The following CHST11 variants were observed in gnomAD, a reference collection of about 807,000 sequenced individuals.
CHST11 encodes the protein C4S-1.
CHST11 carries 9 observed loss-of-function variants against 30.4 expected under a neutral mutation model. The observed-to-expected ratio is 0.30, with a 90% CI of 0.18 to 0.52. The LOEUF is 0.52. Ranked by LOEUF, CHST11 falls within the 20% of genes least tolerant of loss-of-function variation. The pLI, the probability that CHST11 is intolerant of heterozygous loss-of-function variation, is 0.97. For synonymous variants in CHST11, 152 were observed against 187.8 expected (o/e 0.81, Z 1.56); for missense variants, 348 against 460.6 (o/e 0.76, Z 2.24).
chr12:104,499,376 T>G (rs1464449458), intron 1 of CHST11, among the ~76,000 whole-genome samples: 1 of 149,000 alleles, frequency 6.7e-6, no homozygotes, highest in Non-Finnish European at 1.5e-5. Context: ...CCTGCCTTCA[T>G]GGAGTGGAAA....
intron 1 of CHST11, among the ~76,000 whole-genome samples, chr12:104,580,192 T>C (rs1180484025): frequency 6.6e-6 from 1 of 152,218 alleles, no homozygotes; most frequent in Non-Finnish European, 1.5e-5. Flanking sequence ...ATAGAATATC[T>C]TTTGTGGTTT....
At chr12:104,562,288 G>A (rs1592764410) in intron 1 of CHST11, among the ~76,000 whole-genome samples, 2 of 152,282 alleles carry the variant, frequency 1.3e-5, no homozygotes, top group African/African-American at 4.8e-5. Flanking sequence ...AGGAAAACCA[G>A]CTCTAGGTGG....
chr12:104,587,694 G>A (rs1009530006), intron 1 of CHST11, among the ~76,000 whole-genome samples: 14 of 152,016 alleles, frequency 9.2e-5, no homozygotes, highest in African/African-American at 2.4e-4. Flanking sequence ...CATCCTGCCC[G>A]GCTCAAGTAT....
chr12:104,634,211 T>C (rs142427185), intron 2 of CHST11, among the ~76,000 whole-genome samples: 1 of 152,330 alleles, frequency 6.6e-6, no homozygotes, highest in East Asian at 1.9e-4. Context: ...GACAGGGCCA[T>C]ATCTGTCTCG....
chr12:104,711,053 C>T lies in CHST11; in HGVS notation c.205-45896C>T, dbSNP rs145010964. On this transcript the variant is annotated intron_variant, in intron 2 of 2. Transcript: ENST00000303694. ...TTTAGCAAAACTTCCATTTTAACAT[C>T]CTGTTGCAATTATCAAATATTTGCG... 6.6e-5 allele frequency among the ~76,000 whole-genome samples: 10 copies of T among 152,272 alleles called. No homozygotes were observed. The East Asian group carries it at 1.9e-3, about 29-fold the overall frequency.
intron 1 of CHST11, among the ~76,000 whole-genome samples, chr12:104,567,280 A>AT (rs895946058): frequency 3.9e-5 from 6 of 152,166 alleles, no homozygotes; most frequent in Non-Finnish European, 8.8e-5. Context: ...AAGTTGGAAC[A>AT]TTTTTTGCTA....
chr12:104,684,700 A>G (rs765075877), intron 2 of CHST11, among the ~76,000 whole-genome samples: 4 of 152,136 alleles, frequency 2.6e-5, no homozygotes, highest in Admixed American at 6.5e-5. Context: ...GGCATGCACT[A>G]CCATGCCTGG....
chr12:104,569,159 C>G (rs963025863), intron 1 of CHST11, among the ~76,000 whole-genome samples: 1 of 152,108 alleles, frequency 6.6e-6, no homozygotes, highest in Non-Finnish European at 1.5e-5. Flanking sequence ...AATTGTCTGG[C>G]TCTAGATTCT....
chr12:104,696,737 C>T (rs2039950892), intron 2 of CHST11, among the ~76,000 whole-genome samples: 3 of 152,134 alleles, frequency 2.0e-5, no homozygotes, highest in Non-Finnish European at 4.4e-5. Context: ...CTCTTCTCCC[C>T]TTCATCCCTG....
chr12:104,575,584 G>A (rs968703633), intron 1 of CHST11, among the ~76,000 whole-genome samples: 8 of 152,160 alleles, frequency 5.3e-5, no homozygotes, highest in African/African-American at 1.4e-4. Context: ...ACATCTGTCC[G>A]TTTGAAGGAA....
intron 2 of CHST11, among the ~76,000 whole-genome samples, chr12:104,621,352 C>T (rs2039156799): frequency 6.6e-6 from 1 of 152,240 alleles, no homozygotes; most frequent in Non-Finnish European, 1.5e-5. Context: ...CTAGACCTTG[C>T]CATTGGCCCA....
intron 2 of CHST11, among the ~76,000 whole-genome samples, chr12:104,741,144 A>T (rs2040343333): frequency 6.6e-6 from 1 of 152,240 alleles, no homozygotes; most frequent in African/African-American, 2.4e-5. Context: ...TTGAGCTCAC[A>T]TTGTTCATAG....
At chr12:104,507,145 C>T (rs1197837806) in intron 1 of CHST11, among the ~76,000 whole-genome samples, 1 of 152,174 alleles carries the variant, frequency 6.6e-6, no homozygotes, top group African/African-American at 2.4e-5. Context: ...GTGGGGTAAG[C>T]TCAGGTGTGC....
chr12:104,684,020 G>A (rs2039822274), intron 2 of CHST11, among the ~76,000 whole-genome samples: 2 of 152,216 alleles, frequency 1.3e-5, no homozygotes, highest in South Asian at 4.1e-4. Context: ...TTGACTGTAA[G>A]TGCACACTGC....
At chr12:104,575,267 T>A (rs1471487468) in intron 1 of CHST11, among the ~76,000 whole-genome samples, 2 of 152,024 alleles carry the variant, frequency 1.3e-5, no homozygotes, top group Non-Finnish European at 2.9e-5. Flanking sequence ...CGGGGCTTTG[T>A]GTTTGCCCTA....
chr12:104,668,585 G>A (rs2039662209), intron 2 of CHST11, among the ~76,000 whole-genome samples: 2 of 152,186 alleles, frequency 1.3e-5, no homozygotes, highest in South Asian at 4.1e-4. Context: ...TGTGCAGAAG[G>A]GAAGAGGCAT....
At chr12:104,503,631 C>T (rs1375948693) in intron 1 of CHST11, among the ~76,000 whole-genome samples, 1 of 152,148 alleles carries the variant, frequency 6.6e-6, no homozygotes, top group South Asian at 2.1e-4. Context: ...TGAGACCTTC[C>T]GTGCCTGGGC....
At chr12:104,749,611 G>A (rs1263315057) in intron 2 of CHST11, among the ~76,000 whole-genome samples, 5 of 152,194 alleles carry the variant, frequency 3.3e-5, no homozygotes, top group Non-Finnish European at 7.3e-5. Context: ...TACTATGAGG[G>A]AACGGGTTTT....
chr12:104,465,723 C>T (rs2037450908), intron 1 of CHST11, among the ~76,000 whole-genome samples: 1 of 152,188 alleles, frequency 6.6e-6, no homozygotes, highest in African/African-American at 2.4e-5. Flanking sequence ...GCGCAGAACT[C>T]AGAAGGAGGA....
Sources: allele counts gnomAD v4.1 joint callset (sites outside exome capture counted in the v4.1 genomes callset), GRCh38; gene constraint gnomAD v4.1.1; transcripts MANE v1.5; gene names NCBI Gene and HGNC (gene_info 2026-07-23, HGNC 2026-07-21).